Variants in CCDC178 observed in about 807,000 individuals in gnomAD.
CCDC178 encodes the protein coiled-coil domain containing 178.
Under a neutral mutation model 117.4 loss-of-function variants are expected in CCDC178, and 126 were observed. The observed-to-expected ratio is 1.07, with a 90% confidence interval of 0.93 to 1.24. The LOEUF is 1.24. CCDC178 is among the 50% of genes most tolerant of loss of function. The pLI, the probability that CCDC178 is intolerant of heterozygous loss-of-function variation, is 0.00. For missense variants in CCDC178, 1,030 were observed against 986.9 expected, an observed-to-expected ratio of 1.04 and a Z score of -0.59; for synonymous variants, 283 against 313.4, an observed-to-expected ratio of 0.90 and a Z score of 1.02.
At chr18:33,212,622 T>A (rs2059121666) in intron 19 of CCDC178, among the ~76,000 whole-genome samples, 1 of 151,990 alleles carries the variant, frequency 6.6e-6, no homozygotes, top group South Asian at 2.1e-4. Context: ...GCTGGTGTTA[T>A]GTAAGATGAT....
chr18:33,347,783 T>C (rs2062916933), intron 8 of CCDC178, among the ~76,000 whole-genome samples: 1 of 152,090 alleles, frequency 6.6e-6, no homozygotes, highest in Non-Finnish European at 1.5e-5. Flanking sequence ...TTTTATACTA[T>C]TTCAATAATA....
chr18:32,978,899 C>T (rs2055083800), intron 21 of CCDC178, among the ~76,000 whole-genome samples: 1 of 151,736 alleles, frequency 6.6e-6, no homozygotes, highest in Non-Finnish European at 1.5e-5. Flanking sequence ...TAGCCAGGCG[C>T]GGTGGCGGTT....
At chr18:33,138,584 TAAG>T (rs1208049829) in intron 20 of CCDC178, among the ~76,000 whole-genome samples, 4 of 152,220 alleles carry the variant, frequency 2.6e-5, no homozygotes, top group African/African-American at 7.2e-5. Flanking sequence ...AGTAACTGCT[TAAG>T]AAGATCAGCT....
intron 2 of CCDC178, among the ~76,000 whole-genome samples, chr18:33,417,800 T>C (rs1292497730): frequency 6.6e-6 from 1 of 152,016 alleles, no homozygotes. Context: ...CAGGAAGAGA[T>C]TGAAACTCTG....
At chr18:33,153,122 GT>G (rs1349041980) in intron 20 of CCDC178, among the ~76,000 whole-genome samples, 1 of 147,242 alleles carries the variant, frequency 6.8e-6, no homozygotes, top group African/African-American at 2.5e-5. Context: ...CTTTAAATCA[GT>G]TGTGAGTGAC....
At chr18:33,173,373 A>G (rs2058626857) in intron 20 of CCDC178, among the ~76,000 whole-genome samples, 1 of 152,086 alleles carries the variant, frequency 6.6e-6, no homozygotes, top group Non-Finnish European at 1.5e-5. Flanking sequence ...AGAAACTTCT[A>G]ATTACTTGCT....
In CCDC178 at chr18:33,280,745, C is replaced by T. The variant is rs560555486; in HGVS notation, c.1176+12414G>A. On this transcript the variant is annotated intron_variant, in intron 12 of 22. Transcript: ENST00000383096. ...TAGACTGGATTAAGAAAATGTGGCACATATACATGATGGAATACTATGCAG... is the reference window on the plus strand; with the variant it reads ...TAGACTGGATTAAGAAAATGTGGCATATATACATGATGGAATACTATGCAG... Among the ~76,000 whole-genome samples the T allele has an allele frequency of 7.9e-5, 12 of 152,266 alleles. No homozygotes were observed. In the South Asian group the frequency reaches 2.5e-3, roughly 32 times the overall value.
chr18:33,360,416 A>C (rs578071560), intron 6 of CCDC178, among the ~76,000 whole-genome samples: 1 of 151,620 alleles, frequency 6.6e-6, no homozygotes, highest in South Asian at 2.1e-4. Flanking sequence ...TTCAGCTATA[A>C]AAAGAAACAA....
intron 11 of CCDC178, among the ~76,000 whole-genome samples, chr18:33,317,978 C>T (rs1422424381): frequency 1.3e-5 from 2 of 151,988 alleles, no homozygotes; most frequent in Non-Finnish European, 2.9e-5. Context: ...GTGACCATTG[C>T]CAATCCTCAT....
intron 11 of CCDC178, among the ~76,000 whole-genome samples, chr18:33,309,566 A>C (rs1163984226): frequency 6.6e-6 from 1 of 152,144 alleles, no homozygotes; most frequent in African/African-American, 2.4e-5. Flanking sequence ...AACATGAAAA[A>C]ACATGTTTCT....
At chr18:33,225,937 G>A (rs1159204366) in intron 16 of CCDC178, among the ~76,000 whole-genome samples, 4 of 152,114 alleles carry the variant, frequency 2.6e-5, no homozygotes, top group African/African-American at 7.2e-5. Flanking sequence ...TGAGGCAGGC[G>A]GATCACCTGA....
At chr18:33,325,057 T>C (rs2062566441) in intron 10 of CCDC178, among the ~76,000 whole-genome samples, 1 of 151,754 alleles carries the variant, frequency 6.6e-6, no homozygotes, top group Admixed American at 6.6e-5. Flanking sequence ...TATTTCATTT[T>C]ATTGTCCTAT....
In CCDC178 at chr18:33,412,044, A is replaced by T; in HGVS notation, c.45T>A (p.Asp15Glu). 3.3e-6 allele frequency: 5 copies of T among 1,492,640 alleles called. No individual in the cohort carries two copies. Among genetic ancestry groups the T allele is most frequent in the Non-Finnish European group, 4.6e-6 (5 of 1,082,188 alleles). 92.5% of individuals were successfully genotyped at this position (1,492,640 alleles called of 1,614,324 possible). A position where few individuals can be genotyped will look rare whatever the true frequency, so the allele number is the denominator to read the frequency against. The change falls in exon 3 of 23, where the codon GAT (aspartate) becomes GAA (glutamate). Residue 15 changes from aspartate to glutamate, a missense_variant. Asp to Glu is a conservative substitution (Grantham distance 45). Coordinates refer to ENST00000383096, the MANE Select transcript of CCDC178 (RefSeq NM_001105528.4). Reference protein sequence around the residue: ...KTVSSSSTRDDQTNIGLTCQE... With the variant: ...KTVSSSSTRDEQTNIGLTCQE... ...TGATAAACTTACCTATATTGGTTTG[A>T]TCATCTCTAGTGGAAGAAGAGGAAA...
At chr18:33,440,755 A>T (rs1324590265), upstream of CCDC178, 1 of 154,200 alleles carries the variant, frequency 6.5e-6, no homozygotes, top group Non-Finnish European at 1.4e-5. Flanking sequence ...TGTCCAGGCA[A>T]CCGCGGGGGC....
intron 20 of CCDC178, among the ~76,000 whole-genome samples, chr18:33,140,788 T>C (rs577176645): frequency 7.9e-5 from 12 of 152,316 alleles, no homozygotes; most frequent in African/African-American, 2.9e-4. Context: ...ATGATTGGTT[T>C]TGAAATGTCA....
intron 20 of CCDC178, among the ~76,000 whole-genome samples, chr18:33,156,082 CTTTTTTTTTTTTT>C (rs755685926): frequency 2.0e-5 from 2 of 98,038 alleles, no homozygotes; most frequent in African/African-American, 4.1e-5. Context: ...CTAGAAAACA[CTTTTTTTTTTTTT>C]TTTTTTTTTT....
intron 22 of CCDC178, among the ~76,000 whole-genome samples, chr18:32,939,780 G>A (rs1039344699): frequency 6.6e-6 from 1 of 151,988 alleles, no homozygotes; most frequent in Non-Finnish European, 1.5e-5. Context: ...CATGAGTTCC[G>A]GCTTCAGACA....
At chr18:33,223,858 A>C (rs2059269191) in intron 17 of CCDC178, among the ~76,000 whole-genome samples, 1 of 152,124 alleles carries the variant, frequency 6.6e-6, no homozygotes, top group Non-Finnish European at 1.5e-5. Context: ...TCTTTGCAGG[A>C]GCATGATGAT....
intron 21 of CCDC178, among the ~76,000 whole-genome samples, chr18:33,041,369 A>G (rs2056546451): frequency 6.6e-6 from 1 of 151,406 alleles, no homozygotes; most frequent in Non-Finnish European, 1.5e-5. Context: ...TAAATATACA[A>G]AGCAGACCAC....
Sources: allele counts gnomAD v4.1 joint callset (sites outside exome capture counted in the v4.1 genomes callset), GRCh38; gene constraint gnomAD v4.1.1; transcripts MANE v1.5; gene names NCBI Gene and HGNC (gene_info 2026-07-23, HGNC 2026-07-21).